Variants in RAP1B observed in about 807,000 individuals in gnomAD.
The protein encoded by RAP1B is ras-related protein Rap-1b.
RAP1B carries 1 observed loss-of-function variant against 27.5 expected under a neutral mutation model. The observed-to-expected ratio is 0.04, with a 90% CI of 0.01 to 0.17. The LOEUF (loss-of-function observed/expected upper bound fraction) is 0.17. Among genes scored for constraint, RAP1B ranks in the 10% least tolerant of loss-of-function variants. RAP1B has a pLI of 1.00. For synonymous variants in RAP1B, 75 were observed against 73.1 expected (o/e 1.03, Z -0.13); for missense variants, 84 against 214.8 (o/e 0.39, Z 3.81).
chr12:68,621,048 A>G (rs1252009272), intron 1 of RAP1B, among the ~76,000 whole-genome samples: 1 of 152,208 alleles, frequency 6.6e-6, no homozygotes, highest in African/African-American at 2.4e-5. Flanking sequence ...AAATGGAGAG[A>G]AAAGATAATT....
intron 1 of RAP1B, among the ~76,000 whole-genome samples, chr12:68,638,824 C>A (rs1478413299): frequency 6.6e-6 from 1 of 152,048 alleles, no homozygotes; most frequent in Non-Finnish European, 1.5e-5. Context: ...CCAAACCCGA[C>A]TGATTTTTGT....
rs115498030 is a variant in RAP1B at position 68,617,483 on chromosome 12, A to G, written c.-27+6440A>G. Reference sequence around the variant, plus strand: ...TGCTCTTGAAATTAACAAACTTGAGATAGTGTACTGATTTGTATTTATAAG... The same window carrying G: ...TGCTCTTGAAATTAACAAACTTGAGGTAGTGTACTGATTTGTATTTATAAG... On this transcript the variant is annotated intron_variant, in intron 1 of 7. Transcript: ENST00000250559. 3.1e-3 allele frequency among the ~76,000 whole-genome samples: 469 copies of G among 152,336 alleles called. 2 individuals carry two copies. The highest frequency in any genetic ancestry group is 0.011 in the African/African-American group (438 of 41,574).
At chr12:68,658,162 T>C (rs1874361795) in intron 7 of RAP1B, among the ~76,000 whole-genome samples, 1 of 152,258 alleles carries the variant, frequency 6.6e-6, no homozygotes, top group Admixed American at 6.5e-5. Flanking sequence ...TCCTGACTCT[T>C]ATTTCTTCCT....
intron 7 of RAP1B, among the ~76,000 whole-genome samples, chr12:68,658,072 A>C (rs1592472955): frequency 6.6e-6 from 1 of 152,248 alleles, no homozygotes; most frequent in Admixed American, 6.5e-5. Flanking sequence ...GCTGTTTGCC[A>C]ATGATAATGG....
chr12:68,612,108 T>C (rs1870644946), intron 1 of RAP1B, among the ~76,000 whole-genome samples: 1 of 152,130 alleles, frequency 6.6e-6, no homozygotes, highest in African/African-American at 2.4e-5. Context: ...TTTTACGGGG[T>C]AGAAAGTTGA....
At chr12:68,614,108 A>C (rs532201157) in intron 1 of RAP1B, among the ~76,000 whole-genome samples, 1 of 152,368 alleles carries the variant, frequency 6.6e-6, no homozygotes, top group East Asian at 1.9e-4. Flanking sequence ...GTAACTGATT[A>C]GACATGTTAT....
At chr12:68,657,509 A>G (rs541142681) in intron 7 of RAP1B, 46 of 186,796 alleles carry the variant, frequency 2.5e-4, no homozygotes, top group Non-Finnish European at 3.9e-4. Context: ...GGTTCAAGCA[A>G]TGCTTCTGCC....
intron 1 of RAP1B, among the ~76,000 whole-genome samples, chr12:68,619,724 TG>T (rs945687407): frequency 3.9e-5 from 6 of 152,226 alleles, no homozygotes; most frequent in African/African-American, 1.4e-4. Flanking sequence ...ATATTTTTGT[TG>T]GAAACAGGAA....
At chr12:68,650,351 A>C in intron 2 of RAP1B, 49 bp from the exon 3 acceptor site, 1 of 1,444,742 alleles carries the variant, frequency 6.9e-7, no homozygotes, top group East Asian at 2.5e-5. Flanking sequence ...TAAAGATTGA[A>C]TGTACTCTTT....
In RAP1B at chr12:68,663,394, TG is replaced by T. The variant is rs1174897471; in HGVS notation, c.*4146del. 6.6e-6 allele frequency: 1 copy of T among 152,136 alleles called. No homozygotes were observed. The highest frequency in any genetic ancestry group is 1.5e-5 in the Non-Finnish European group (1 of 68,036). 9.4% of individuals were successfully genotyped at this position (152,136 alleles called of 1,614,324 possible). On this transcript the variant is annotated 3_prime_UTR_variant, in exon 8 of 8. Coordinates refer to ENST00000250559, the MANE Select transcript of RAP1B (RefSeq NM_001010942.3). ...ATACATTTGATATTTCAAGAATACA[TG>T]AGAGAAGAGAGGTAGATTGAGAACA...
intron 1 of RAP1B, among the ~76,000 whole-genome samples, chr12:68,641,957 C>G (rs988653365): frequency 5.3e-5 from 8 of 152,128 alleles, no homozygotes; most frequent in Non-Finnish European, 7.4e-5. Flanking sequence ...TATGTGCCTA[C>G]ATGATGTAGA....
At chr12:68,641,413 T>TA (rs1872995260) in intron 1 of RAP1B, among the ~76,000 whole-genome samples, 1 of 152,260 alleles carries the variant, frequency 6.6e-6, no homozygotes, top group Non-Finnish European at 1.5e-5. Context: ...GTCTTTGCTG[T>TA]GGTTTGCTCT....
chr12:68,649,360 A>G (rs967024852), intron 2 of RAP1B: 5 of 152,874 alleles, frequency 3.3e-5, no homozygotes, highest in African/African-American at 1.2e-4. Flanking sequence ...CTTCTTATGA[A>G]TAGTCTTACC....
At chr12:68,613,342 G>C (rs1187889452) in intron 1 of RAP1B, among the ~76,000 whole-genome samples, 10 of 144,816 alleles carry the variant, frequency 6.9e-5, no homozygotes, top group African/African-American at 2.3e-4. Flanking sequence ...AGTGAGCCGA[G>C]ACTGCACTAC....
At chr12:68,647,573 C>CT (rs535209428) in intron 1 of RAP1B, among the ~76,000 whole-genome samples, 368 of 142,010 alleles carry the variant, frequency 2.6e-3, no homozygotes, top group East Asian at 4.5e-3. Context: ...CTTTTTTTCC[C>CT]TTTTTTTTTT....
At chr12:68,615,884 G>A (rs1870953706) in intron 1 of RAP1B, among the ~76,000 whole-genome samples, 1 of 152,042 alleles carries the variant, frequency 6.6e-6, no homozygotes, top group Admixed American at 6.6e-5. Flanking sequence ...CCGGTACTGG[G>A]GGATTGAATG....
In RAP1B at chr12:68,662,691, C is replaced by T. The variant is rs898814825; in HGVS notation, c.*3442C>T. 2 of 152,068 alleles carry T rather than the reference C, an allele frequency of 1.3e-5. No individual in the cohort carries two copies. Among genetic ancestry groups the T allele is most frequent in the Non-Finnish European group, 2.9e-5 (2 of 68,016 alleles). The allele number at this position is 152,068 out of a possible 1,614,324, so 9.4% of individuals were successfully genotyped here. A position where few individuals can be genotyped will look rare whatever the true frequency, so the allele number is the denominator to read the frequency against. ...TTTACAATTAATACTCTTACTATTACCTTAGAAGCCTTAAAAGTGCTTGCA... is the reference window on the plus strand; with the variant it reads ...TTTACAATTAATACTCTTACTATTATCTTAGAAGCCTTAAAAGTGCTTGCA... On this transcript the variant is annotated 3_prime_UTR_variant, in exon 8 of 8. Coordinates refer to ENST00000250559, the MANE Select transcript of RAP1B (RefSeq NM_001010942.3).
At chr12:68,641,822 T>C (rs886177417) in intron 1 of RAP1B, among the ~76,000 whole-genome samples, 6 of 152,142 alleles carry the variant, frequency 3.9e-5, no homozygotes, top group African/African-American at 1.4e-4. Flanking sequence ...GAAAATACTT[T>C]GAACAGTAGT....
chr12:68,623,197 A>G (rs898104674), intron 1 of RAP1B, among the ~76,000 whole-genome samples: 1 of 152,258 alleles, frequency 6.6e-6, no homozygotes, highest in African/African-American at 2.4e-5. Flanking sequence ...AAAGTTAACC[A>G]GTATAAAACT....
Sources: allele counts gnomAD v4.1 joint callset (sites outside exome capture counted in the v4.1 genomes callset), GRCh38; gene constraint gnomAD v4.1.1; transcripts MANE v1.5; gene names NCBI Gene and HGNC (gene_info 2026-07-23, HGNC 2026-07-21).